The following RSPH14 variants were observed in gnomAD, a reference collection of about 807,000 sequenced individuals.
RSPH14 encodes the protein radial spoke head 14 homolog.
RSPH14 carries 20 observed loss-of-function variants against 26.7 expected under a neutral mutation model. The ratio of observed to expected loss-of-function variants is 0.75; its 90% CI spans 0.53 to 1.09. The LOEUF is 1.09. Ranked by LOEUF, RSPH14 falls within the 50% of genes least tolerant of loss-of-function variation. The pLI is 0.00. For missense variants in RSPH14, 449 were observed against 457.2 expected (o/e 0.98, Z 0.16); for synonymous variants, 177 against 189.3 (o/e 0.93, Z 0.53).
chr22:23,157,884 G>C, the RSPH14 span: 2 of 1,579,234 alleles, frequency 1.3e-6, no homozygotes, highest in African/African-American at 1.3e-5. Flanking sequence ...TGAGTGCCTG[G>C]TTGGGGGGCT....
intron 4 of RSPH14, chr22:23,124,962 G>C (rs1391905942): frequency 6.6e-6 from 1 of 152,400 alleles, no homozygotes; most frequent in Non-Finnish European, 1.5e-5. Context: ...ATGTACGGGG[G>C]AAAGAGAAGC....
In RSPH14 at chr22:23,137,163, T is replaced by C. The variant is rs1482021319; in HGVS notation, c.302+1677A>G. Among the ~76,000 whole-genome samples the C allele has an allele frequency of 3.6e-5, 5 of 138,730 alleles. 2 individuals carry two copies. The highest frequency in any genetic ancestry group is 8.0e-5 in the Non-Finnish European group (5 of 62,226). The allele number at this position is 138,730 out of a possible 152,430, so 91.0% of individuals were successfully genotyped here. ...CTGAGTGACTTTGGGTTTTATGAGA[T>C]GCCCTGCAGCCTCTGCCTCTCTGGG... On this transcript the variant is annotated intron_variant, in intron 3 of 6. Transcript: ENST00000216036.
At chr22:23,158,835 C>G in the RSPH14 span, 2 of 1,484,290 alleles carry the variant, frequency 1.3e-6, no homozygotes, top group Non-Finnish European at 1.9e-6. Flanking sequence ...CAAGTGTGCC[C>G]TCTGCCCCCT....
intron 6 of RSPH14, 52 bp from the exon 7 acceptor site, chr22:23,059,770 C>A: frequency 6.7e-7 from 1 of 1,485,728 alleles, no homozygotes; most frequent in Non-Finnish European, 8.9e-7. Flanking sequence ...GCCCTCTTCT[C>A]ACCCCCTCTC....
chr22:23,092,392 C>T lies in RSPH14; in HGVS notation c.422-28259G>A, dbSNP rs141200056. On this transcript the variant is annotated intron_variant, in intron 4 of 6. Coordinates refer to ENST00000216036, the MANE Select transcript of RSPH14 (RefSeq NM_014433.3). ...GTGCCCCTGCACAGGGCGCTCATAC[C>T]CCCAAACACAACACAGCCCCACAGA... Among the ~76,000 whole-genome samples, 246 of 152,220 alleles carry T rather than the reference C, an allele frequency of 1.6e-3. 1 individual carries two copies. The highest frequency in any genetic ancestry group is 5.7e-3 in the African/African-American group (237 of 41,526).
At chr22:23,083,034 T>C (rs2068723769) in intron 4 of RSPH14, among the ~76,000 whole-genome samples, 1 of 151,862 alleles carries the variant, frequency 6.6e-6, no homozygotes, top group South Asian at 2.1e-4. Context: ...GGCAGGAGGC[T>C]CCAGGGAAGT....
chr22:23,096,062 G>A (rs1019323839), intron 4 of RSPH14: 4 of 1,607,826 alleles, frequency 2.5e-6, no homozygotes, highest in African/African-American at 1.3e-5. Flanking sequence ...GATCACACCC[G>A]AGCTGCTGGG....
At chr22:23,072,990 C>T (rs1186476827) in intron 4 of RSPH14, among the ~76,000 whole-genome samples, 1 of 152,208 alleles carries the variant, frequency 6.6e-6, no homozygotes, top group Non-Finnish European at 1.5e-5. Flanking sequence ...GCCAGTGGGA[C>T]AGGAATGCTG....
At chr22:23,110,899 C>T (rs1177401810) in intron 4 of RSPH14, among the ~76,000 whole-genome samples, 3 of 152,218 alleles carry the variant, frequency 2.0e-5, no homozygotes, top group Non-Finnish European at 4.4e-5. Context: ...GCCTCCCTGC[C>T]CACCATCTTT....
intron 3 of RSPH14, chr22:23,136,132 C>T (rs1042094939): frequency 4.7e-6 from 3 of 632,274 alleles, no homozygotes; most frequent in African/African-American, 3.6e-5. Flanking sequence ...GTCACCCACT[C>T]CATGTCTCTC....
Position 23,138,959 on chromosome 22 carries a change from AAAC to A in RSPH14, c.200-20_200-18del. 30 of 1,524,910 alleles carry A rather than the reference AAAC, an allele frequency of 2.0e-5. No homozygotes were observed. The highest frequency in any genetic ancestry group is 2.8e-5 in the African/African-American group (2 of 71,784). 94.5% of individuals were successfully genotyped at this position (1,524,910 alleles called of 1,614,324 possible). ...CCATACAGCCTAGAAAAAAAAAAAA[AAAC>A]AAACAAACCAACCCTTGAATTTTTG... On this transcript the variant is annotated intron_variant, in intron 2 of 6. Coordinates refer to ENST00000216036, the MANE Select transcript of RSPH14 (RefSeq NM_014433.3).
chr22:23,178,960 C>G, the RSPH14 span, among the ~76,000 whole-genome samples: 1 of 152,092 alleles, frequency 6.6e-6, no homozygotes, highest in Admixed American at 6.6e-5. Flanking sequence ...ATTAAAATAC[C>G]CAAACCAGCC....
At chr22:23,127,328 C>T (rs2070208926) in intron 4 of RSPH14, among the ~76,000 whole-genome samples, 1 of 152,214 alleles carries the variant, frequency 6.6e-6, no homozygotes. Flanking sequence ...GCCAGAGTGT[C>T]CCTATCAGTG....
chr22:23,098,263 G>A (rs1242471371), intron 4 of RSPH14, among the ~76,000 whole-genome samples: 1 of 152,178 alleles, frequency 6.6e-6, no homozygotes, highest in Non-Finnish European at 1.5e-5. Context: ...CCTGCCTCTC[G>A]TACCCCTGCC....
At chr22:23,095,766 G>A (rs781475556) in intron 4 of RSPH14, 6 of 1,612,896 alleles carry the variant, frequency 3.7e-6, no homozygotes, top group South Asian at 1.1e-5. Context: ...CGCCACCTGC[G>A]CTCAGAGAGC....
At chr22:23,145,337 G>A (rs2070701122), upstream of RSPH14, 6 of 1,378,876 alleles carry the variant, frequency 4.4e-6, no homozygotes, top group South Asian at 2.3e-5. Flanking sequence ...TGCCAGCCCC[G>A]CCCAGACTCC....
At chr22:23,151,135 T>A in the RSPH14 span, among the ~76,000 whole-genome samples, 2 of 152,210 alleles carry the variant, frequency 1.3e-5, no homozygotes, top group Non-Finnish European at 2.9e-5. Context: ...AGAGCGCAGC[T>A]AGAGGTTCCC....
upstream of RSPH14, among the ~76,000 whole-genome samples, chr22:23,143,905 A>C (rs1331613005): frequency 6.6e-6 from 1 of 152,162 alleles, no homozygotes; most frequent in East Asian, 1.9e-4. Flanking sequence ...AGCCTGGCAC[A>C]CATGGCAAAA....
chr22:23,130,056 AGAAAAAGAAAGAAAGAAAGAAAGAAAG>A (rs2070278137), intron 4 of RSPH14, among the ~76,000 whole-genome samples: 1 of 143,066 alleles, frequency 7.0e-6, no homozygotes, highest in Non-Finnish European at 1.5e-5. Flanking sequence ...AGAAAGAGAA[AGAAAAAGAAAGAAAGAAAGAAAGAAAG>A]GAAGAAAGAA....
Sources: gnomAD v4.1 joint callset for allele counts (sites outside exome capture counted in the v4.1 genomes callset) on GRCh38, gnomAD v4.1.1 for gene constraint, MANE v1.5 for transcripts, NCBI Gene and HGNC (gene_info 2026-07-23, HGNC 2026-07-21) for gene names.